The following RB1 variants were observed in gnomAD, a reference collection of about 807,000 sequenced individuals.
RB1 encodes the protein RB transcriptional corepressor 1.
RB1 carries 18 observed loss-of-function variants against 135.4 expected under a neutral mutation model. The ratio of observed to expected loss-of-function variants is 0.13; its 90% confidence interval spans 0.09 to 0.20. The LOEUF is 0.20. Among genes scored for constraint, RB1 ranks in the 10% least tolerant of loss-of-function variants. RB1 has a pLI of 1.00. For missense variants in RB1, 868 were observed against 1,110.0 expected (o/e 0.78, Z 3.10); for synonymous variants, 365 against 373.2 (o/e 0.98, Z 0.25).
intron 17 of RB1, among the ~76,000 whole-genome samples, chr13:48,451,305 A>G (rs1949325593): frequency 6.6e-6 from 1 of 152,168 alleles, no homozygotes; most frequent in African/African-American, 2.4e-5. Flanking sequence ...CATTCCTTGA[A>G]TACCTAGTTT....
intron 6 of RB1, 62 bp from the exon 7 acceptor site, chr13:48,359,955 T>TTTTCA (rs1566191545): frequency 2.9e-5 from 46 of 1,597,844 alleles, no homozygotes; most frequent in Non-Finnish European, 3.8e-5. Context: ...TACCCTGCGA[T>TTTTCA]TTTCTCTCAT....
At chr13:48,317,986 C>A (rs1952200680) in intron 2 of RB1, 1 of 477,022 alleles carries the variant, frequency 2.1e-6, no homozygotes, top group African/African-American at 1.9e-5. Context: ...GTTCGATGCT[C>A]TCGTCACTGT....
chr13:48,345,515 T>G (rs550192784), intron 4 of RB1, among the ~76,000 whole-genome samples: 1 of 152,290 alleles, frequency 6.6e-6, no homozygotes, highest in African/African-American at 2.4e-5. Context: ...TGACATAAAT[T>G]TAAACTTCTT....
intron 3 of RB1, 77 bp from the exon 4 acceptor site, chr13:48,345,003 A>C (rs1289152617): frequency 1.0e-5 from 15 of 1,475,494 alleles, no homozygotes; most frequent in Non-Finnish European, 1.4e-5. Context: ...TTGAATTGAA[A>C]TATCTATGAT....
chr13:48,373,356 T>A (rs1325067479), intron 11 of RB1, 49 bp from the exon 12 acceptor site: 3 of 1,153,058 alleles, frequency 2.6e-6, no homozygotes, highest in East Asian at 4.7e-5. Flanking sequence ...TTTTTTCTTT[T>A]TTTCTCCCTT....
chr13:48,320,355 G>T, intron 2 of RB1: 1 of 1,242,644 alleles, frequency 8.0e-7, no homozygotes, highest in Non-Finnish European at 1.2e-6. Flanking sequence ...TCACCGACAC[G>T]CTCTCCACCC....
intron 6 of RB1, among the ~76,000 whole-genome samples, chr13:48,353,559 T>C (rs1295421818): frequency 6.6e-6 from 1 of 151,938 alleles, no homozygotes; most frequent in Non-Finnish European, 1.5e-5. Context: ...TTCTGGAAAA[T>C]AGACTAGGAA....
intron 12 of RB1, among the ~76,000 whole-genome samples, chr13:48,373,761 T>C (rs1385831461): frequency 6.6e-6 from 1 of 152,166 alleles, no homozygotes; most frequent in African/African-American, 2.4e-5. Flanking sequence ...TCTGAGATAA[T>C]TTTTTTCTTC....
At chr13:48,430,861 T>C (rs1271413017) in intron 17 of RB1, among the ~76,000 whole-genome samples, 1 of 152,140 alleles carries the variant, frequency 6.6e-6, no homozygotes, top group Non-Finnish European at 1.5e-5. Context: ...CCCAGGAGTT[T>C]GGGGCTGCAG....
rs1210034006 is a variant in RB1 at position 48,347,806 on chromosome 13, A to G, written c.501-19A>G. On this transcript the variant is annotated intron_variant, in intron 4 of 26. Transcript: ENST00000267163. ...AATTACGAAAAAATGTTAAAAAGTC[A>G]TAATGTTTTTCTTTTCAGGACATGT... 5 of 1,557,098 alleles carry G rather than the reference A, an allele frequency of 3.2e-6. No homozygotes were observed. The highest frequency in any genetic ancestry group is 2.3e-5 in the East Asian group (1 of 44,400).
chr13:48,378,495 G>T (rs1267971725), intron 13 of RB1, among the ~76,000 whole-genome samples: 2 of 151,916 alleles, frequency 1.3e-5, no homozygotes, highest in Non-Finnish European at 2.9e-5. Context: ...ACAATAAAAT[G>T]CATAGAGCTG....
chr13:48,364,735 C>T lies in RB1; in HGVS notation c.862-159C>T, dbSNP rs117158214. On this transcript the variant is annotated intron_variant, in intron 8 of 26. Transcript: ENST00000267163. ...TTCAGCCTAGGCAATATAGAGAGAC[C>T]CCTTCTCTAAGAAAATAATAAAAAA... Among the ~76,000 whole-genome samples the T allele has an allele frequency of 5.6e-3, 845 of 151,950 alleles. 5 individuals carry two copies. Among genetic ancestry groups the T allele is most frequent in the Middle Eastern group, 0.01 (3 of 294 alleles).
rs1334403177 is a variant in RB1 at position 48,319,619 on chromosome 13, G to A, written c.264+12213G>A. ...TCGTCTTTGCTAACCGGGGAGGTTT[G>A]CGAAAGGCGAACTCTTTATGGGCGC... On this transcript the variant is annotated intron_variant, in intron 2 of 26. Coordinates refer to ENST00000267163, the MANE Select transcript of RB1 (RefSeq NM_000321.3). This position sits in a 1 kb window ranked among gnomAD's most constrained non-coding sequence, Gnocchi z 5.0. 2.0e-5 allele frequency: 5 copies of A among 253,670 alleles called. No homozygotes were observed. Among genetic ancestry groups the A allele is most frequent in the Non-Finnish European group, 4.0e-5 (5 of 124,784 alleles). 15.7% of individuals were successfully genotyped at this position (253,670 alleles called of 1,614,324 possible). A position where few individuals can be genotyped will look rare whatever the true frequency, so the allele number is the denominator to read the frequency against.
At chr13:48,388,441 C>T (rs1479059695) in intron 17 of RB1, among the ~76,000 whole-genome samples, 1 of 152,104 alleles carries the variant, frequency 6.6e-6, no homozygotes, top group African/African-American at 2.4e-5. Flanking sequence ...AGATTATGGA[C>T]CATAAAAAAT....
rs746116477 is a variant in RB1 at position 48,373,502 on chromosome 13, A to G, written c.1215+10A>G. On this transcript the variant is annotated intron_variant, in intron 12 of 26. Coordinates refer to ENST00000267163, the MANE Select transcript of RB1 (RefSeq NM_000321.3). ...GATTTCCTATTTTAACGTAAGCCAT[A>G]TATGAAACATTATTTATTGTAATAT... 19 of 1,488,854 alleles carry G rather than the reference A, an allele frequency of 1.3e-5. No individual in the cohort carries two copies. Among genetic ancestry groups the G allele is most frequent in the South Asian group, 2.3e-5 (2 of 88,152 alleles). The allele number at this position is 1,488,854 out of a possible 1,614,324, so 92.2% of individuals were successfully genotyped here. A position where few individuals can be genotyped will look rare whatever the true frequency, so the allele number is the denominator to read the frequency against.
chr13:48,389,124 A>G (rs1593461459), intron 17 of RB1, among the ~76,000 whole-genome samples: 2 of 152,064 alleles, frequency 1.3e-5, no homozygotes, highest in Admixed American at 1.3e-4. Flanking sequence ...GTGCCACTGC[A>G]CTCCAGCCTC....
chr13:48,373,583 T>C, intron 12 of RB1, 91 bp downstream of exon 12: 1 of 796,456 alleles, frequency 1.3e-6, no homozygotes, highest in Non-Finnish European at 2.2e-6. Flanking sequence ...TTTAAAATAC[T>C]AATCTCCTAT....
intron 19 of RB1, among the ~76,000 whole-genome samples, chr13:48,456,805 G>A (rs60029141): frequency 6.6e-6 from 1 of 152,364 alleles, no homozygotes; most frequent in East Asian, 1.9e-4. Context: ...CTCTCTGTGA[G>A]GCTGCACCTG....
intron 2 of RB1, among the ~76,000 whole-genome samples, chr13:48,311,587 TCATC>T (rs71099685): frequency 0.21 from 32,229 of 152,102 alleles, 3,537 homozygotes; most frequent in Non-Finnish European, 0.25. Flanking sequence ...GTACAGTAGA[TCATC>T]CATATCCTTA....
Sources: gnomAD v4.1 joint callset for allele counts (sites outside exome capture counted in the v4.1 genomes callset) on GRCh38, gnomAD v4.1.1 for gene constraint, Gnocchi (gnomAD v3.1) non-coding constraint, MANE v1.5 for transcripts, NCBI Gene and HGNC (gene_info 2026-07-23, HGNC 2026-07-21) for gene names.